Variants in HIPK3 observed in about 807,000 individuals in gnomAD.
The protein encoded by HIPK3 is homeodomain-interacting protein kinase 3.
HIPK3 carries 47 observed loss-of-function variants against 124.2 expected under a neutral mutation model. The ratio of observed to expected loss-of-function variants is 0.38; its 90% CI spans 0.30 to 0.48. The LOEUF is 0.48. Ranked by LOEUF, HIPK3 falls within the 20% of genes least tolerant of loss-of-function variation. The pLI, the probability that HIPK3 is intolerant of heterozygous loss-of-function variation, is 0.98. For missense variants in HIPK3, 1,286 were observed against 1,454.3 expected, an observed-to-expected ratio of 0.88 and a Z score of 1.88; for synonymous variants, 482 against 515.2, an observed-to-expected ratio of 0.94 and a Z score of 0.87.
intron 1 of HIPK3, among the ~76,000 whole-genome samples, chr11:33,273,709 T>C (rs1297265207): frequency 6.6e-6 from 1 of 152,074 alleles, no homozygotes; most frequent in Non-Finnish European, 1.5e-5. Flanking sequence ...CTTAATAGAA[T>C]TTGGAAAATA....
intron 1 of HIPK3, among the ~76,000 whole-genome samples, chr11:33,282,408 G>A (rs1164702486): frequency 6.6e-6 from 1 of 151,516 alleles, no homozygotes; most frequent in Non-Finnish European, 1.5e-5. Context: ...TGGGCCGGGT[G>A]CCATGGCTCA....
Position 33,343,168 on chromosome 11 carries a change from A to G in HIPK3, c.1897+1482A>G, listed in dbSNP as rs542428800. ...CCTGTTTACTTATTTCAGCCTTAGT[A>G]GAAGGAAATAGCCTGAATAGATAAT... On this transcript the variant is annotated intron_variant, in intron 8 of 16. Coordinates refer to ENST00000303296, the MANE Select transcript of HIPK3 (RefSeq NM_005734.5). 1.1e-4 allele frequency among the ~76,000 whole-genome samples: 17 copies of G among 152,232 alleles called. No individual in the cohort carries two copies. The South Asian group carries it at 1.9e-3, about 17-fold the overall frequency.
chr11:33,335,155 T>C (rs1355965938), intron 3 of HIPK3, among the ~76,000 whole-genome samples: 1 of 152,102 alleles, frequency 6.6e-6, no homozygotes, highest in Non-Finnish European at 1.5e-5. Context: ...GTTTAGGATA[T>C]ATTCAGTTGG....
chr11:33,307,632 T>G (rs1294990394), intron 2 of HIPK3, among the ~76,000 whole-genome samples: 1 of 151,276 alleles, frequency 6.6e-6, no homozygotes, highest in Non-Finnish European at 1.5e-5. Flanking sequence ...GGTCTCGATC[T>G]CCTGACCTCA....
intron 13 of HIPK3, 30 bp from the exon 14 acceptor site, chr11:33,349,117 C>T: frequency 6.3e-7 from 1 of 1,599,870 alleles, no homozygotes; most frequent in Middle Eastern, 1.7e-4. Flanking sequence ...TTGTATTTGA[C>T]TCATGTTTTT....
intron 1 of HIPK3, among the ~76,000 whole-genome samples, chr11:33,260,294 C>G (rs910889702): frequency 4.6e-5 from 7 of 152,130 alleles, no homozygotes; most frequent in Non-Finnish European, 8.8e-5. Context: ...TCCCTGCACC[C>G]CCTGCAACTT....
chr11:33,331,287 A>G (rs968782258), intron 3 of HIPK3, among the ~76,000 whole-genome samples: 3 of 152,184 alleles, frequency 2.0e-5, no homozygotes, highest in African/African-American at 7.2e-5. Flanking sequence ...AGGATGTGAA[A>G]GGGCCACCAG....
chr11:33,342,308 A>G (rs1159382849), intron 8 of HIPK3, among the ~76,000 whole-genome samples: 1 of 152,108 alleles, frequency 6.6e-6, no homozygotes, highest in Non-Finnish European at 1.5e-5. Flanking sequence ...ACTGGGTATC[A>G]CTGTTTTAGA....
chr11:33,261,529 T>C (rs574233540), intron 1 of HIPK3, among the ~76,000 whole-genome samples: 1 of 152,342 alleles, frequency 6.6e-6, no homozygotes, highest in Non-Finnish European at 1.5e-5. Context: ...TCCATGTTCC[T>C]GCAAAGGACA....
intron 2 of HIPK3, among the ~76,000 whole-genome samples, chr11:33,300,037 A>G (rs1316982262): frequency 1.3e-5 from 2 of 150,396 alleles, no homozygotes; most frequent in Non-Finnish European, 3.0e-5. Context: ...AAAAAAAAAA[A>G]AAAAAAAGAA....
chr11:33,281,821 G>A (rs1230565849), intron 1 of HIPK3, among the ~76,000 whole-genome samples: 1 of 152,138 alleles, frequency 6.6e-6, no homozygotes, highest in Non-Finnish European at 1.5e-5. Flanking sequence ...ATTGGTCCAT[G>A]TGTCAAGGTC....
chr11:33,317,828 G>A lies in HIPK3; in HGVS notation c.1098-10682G>A, dbSNP rs547568594. ...GAATTTGTTGAGTGCATGATGAATT[G>A]GTATCTGTGACTAATCACACCTACT... On this transcript the variant is annotated intron_variant, in intron 2 of 16. Transcript: ENST00000303296. 7.2e-5 allele frequency among the ~76,000 whole-genome samples: 11 copies of A among 152,148 alleles called. No homozygotes were observed. In the East Asian group the frequency reaches 2.1e-3, roughly 29 times the overall value.
At chr11:33,278,883 A>G (rs769099407) in intron 1 of HIPK3, among the ~76,000 whole-genome samples, 2 of 152,196 alleles carry the variant, frequency 1.3e-5, no homozygotes, top group Non-Finnish European at 2.9e-5. Flanking sequence ...AGTAAATTTT[A>G]TTTATTTTTA....
At chr11:33,258,936 G>T (rs993709100) in intron 1 of HIPK3, among the ~76,000 whole-genome samples, 1 of 150,192 alleles carries the variant, frequency 6.7e-6, no homozygotes, top group Non-Finnish European at 1.5e-5. Context: ...TCAGTTTATC[G>T]TCCAGTTTAG....
chr11:33,277,750 CA>C (rs1240028390), intron 1 of HIPK3, among the ~76,000 whole-genome samples: 5 of 152,202 alleles, frequency 3.3e-5, no homozygotes, highest in Non-Finnish European at 5.9e-5. Flanking sequence ...GCTTTGCCCT[CA>C]AAAGTGATTG....
intron 1 of HIPK3, among the ~76,000 whole-genome samples, chr11:33,276,961 T>A (rs1851289914): frequency 6.6e-6 from 1 of 152,180 alleles, no homozygotes. Context: ...AGCCTCGGTC[T>A]CCCAAAGTGC....
intron 2 of HIPK3, among the ~76,000 whole-genome samples, chr11:33,327,643 A>G (rs1852851592): frequency 6.6e-6 from 1 of 152,198 alleles, no homozygotes; most frequent in South Asian, 2.1e-4. Context: ...TAAAGTATAC[A>G]GATATTTGGC....
At chr11:33,257,345 A>G (rs1364544960), upstream of HIPK3, 1 of 984,286 alleles carries the variant, frequency 1.0e-6, no homozygotes, top group African/African-American at 1.8e-5. Context: ...GCCGAGGCCG[A>G]CGAGCGCGGA....
intron 2 of HIPK3, among the ~76,000 whole-genome samples, chr11:33,292,142 A>AT (rs1851715725): frequency 6.6e-6 from 1 of 152,014 alleles, no homozygotes; most frequent in Admixed American, 6.6e-5. Flanking sequence ...CTTTCGTTAT[A>AT]TTTTCTAGTT....
Sources: allele counts gnomAD v4.1 joint callset (sites outside exome capture counted in the v4.1 genomes callset), GRCh38; gene constraint gnomAD v4.1.1; transcripts MANE v1.5; gene names NCBI Gene and HGNC (gene_info 2026-07-23, HGNC 2026-07-21).